The following BMS1 variants were observed in gnomAD, a reference collection of about 807,000 sequenced individuals.
BMS1 encodes ribosome biogenesis protein BMS1 homolog.
BMS1 carries 53 observed loss-of-function variants against 138.7 expected under a neutral mutation model. The observed-to-expected ratio is 0.38, with a 90% confidence interval of 0.31 to 0.48. BMS1 has a LOEUF of 0.48. Among genes scored for constraint, BMS1 ranks in the 20% least tolerant of loss-of-function variants. The pLI, the probability that BMS1 is intolerant of heterozygous loss-of-function variation, is 0.97. For missense variants in BMS1, 1,360 were observed against 1,565.5 expected, an observed-to-expected ratio of 0.87 and a Z score of 2.22; for synonymous variants, 504 against 539.9, an observed-to-expected ratio of 0.93 and a Z score of 0.92.
intron 13 of BMS1, among the ~76,000 whole-genome samples, chr10:42,807,975 T>C (rs1473850624): frequency 6.6e-6 from 1 of 152,222 alleles, no homozygotes; most frequent in Non-Finnish European, 1.5e-5. Context: ...TTGTTTATTC[T>C]AGCTATTCTA....
At chr10:42,819,381 T>C (rs1407577432) in intron 15 of BMS1, among the ~76,000 whole-genome samples, 1 of 152,200 alleles carries the variant, frequency 6.6e-6, no homozygotes, top group African/African-American at 2.4e-5. Context: ...GTGTGACTAG[T>C]GTGATTGAGG....
chr10:42,800,991 G>C (rs1841857818), intron 12 of BMS1, among the ~76,000 whole-genome samples: 1 of 152,196 alleles, frequency 6.6e-6, no homozygotes, highest in Admixed American at 6.5e-5. Context: ...GCCTGTAAGA[G>C]TCTGTGCACA....
rs372824259 is a variant in BMS1 at position 42,823,751 on chromosome 10, C to T, written c.3423C>T (p.Val1141=). 6.3e-7 allele frequency: 1 copy of T among 1,594,978 alleles called. No individual in the cohort carries two copies. The highest frequency in any genetic ancestry group is 1.3e-5 in the African/African-American group (1 of 74,780). ...TTGQLRLAHG[V]RLKANKDSLY... Reference sequence around the variant, plus strand: ...GCCAACTCAGGCTCGCCCATGGCGTCAGACTAAAGGCGAACAAGGACTCTC... The same window carrying T: ...GCCAACTCAGGCTCGCCCATGGCGTTAGACTAAAGGCGAACAAGGACTCTC... The change falls in exon 21 of 23, where the codon GTC becomes GTT. Residue 1141 remains valine, a synonymous_variant. Transcript: ENST00000374518.
At chr10:42,805,261 A>G (rs570374825) in intron 13 of BMS1, among the ~76,000 whole-genome samples, 1 of 152,170 alleles carries the variant, frequency 6.6e-6, no homozygotes, top group East Asian at 1.9e-4. Context: ...TTCCCCGTTG[A>G]ATTGCCCTGT....
intron 13 of BMS1, among the ~76,000 whole-genome samples, chr10:42,815,966 A>G (rs74135404): frequency 1.4e-3 from 216 of 152,206 alleles, no homozygotes; most frequent in African/African-American, 4.9e-3. Flanking sequence ...TCCTTGAACT[A>G]TTCGTTTGGG....
At chr10:42,822,929 G>A (rs1269805732) in intron 19 of BMS1, among the ~76,000 whole-genome samples, 189 bp from the exon 20 acceptor site, 2 of 152,152 alleles carry the variant, frequency 1.3e-5, no homozygotes, top group Admixed American at 1.3e-4. Flanking sequence ...TTATTTTGGG[G>A]AAAATGAAAG....
chr10:42,785,691 G>A lies in BMS1; in HGVS notation c.367+19G>A, dbSNP rs1564406796. On this transcript the variant is annotated intron_variant, in intron 3 of 22. Coordinates refer to ENST00000374518, the MANE Select transcript of BMS1 (RefSeq NM_014753.4). The stretch of plus-strand genomic sequence containing the variant: ...GTGTCAGGTAGGAGATGCCACCACA[G>A]ACACAGAGTTGGCGTGGCTGTTGTC... 70 of 1,609,894 alleles carry A rather than the reference G, an allele frequency of 4.3e-5. No individual in the cohort carries two copies. The highest frequency in any genetic ancestry group is 5.4e-5 in the Non-Finnish European group (64 of 1,176,866).
At position 42,820,537 on chromosome 10, in the gene BMS1, G is replaced by T; in HGVS notation, c.2799G>T (p.Lys933Asn). ...GTCTGAAGAAACATCGCTGGTATAA[G>T]AAAATCCTCAAGTCCCGAGATCCAA... ...QMRLKKHRWY[K>N]KILKSRDPII... The change falls in exon 17 of 23, where the codon AAG (lysine) becomes AAT (asparagine). Residue 933 changes from lysine (K) to asparagine (N), a missense_variant. Physicochemically the swap from Lys to Asn is moderately conservative, Grantham distance 94. Around this residue, in one of 3 missense-constraint regions of BMS1, gnomAD observed 425 missense variants for 568.3 expected, o/e 0.75. Coordinates refer to ENST00000374518, the MANE Select transcript of BMS1 (RefSeq NM_014753.4). 6.2e-7 allele frequency: 1 copy of T among 1,610,646 alleles called. No individual in the cohort carries two copies. Among genetic ancestry groups the T allele is most frequent in the Non-Finnish European group, 8.5e-7 (1 of 1,179,434 alleles).
At chr10:42,822,277 A>T (rs554807386) in intron 19 of BMS1, 93 bp downstream of exon 19, 2 of 754,804 alleles carry the variant, frequency 2.6e-6, no homozygotes, top group African/African-American at 3.6e-5. Context: ...TCATATTTTT[A>T]TAAAAGTGTT....
intron 7 of BMS1, 135 bp downstream of exon 7, chr10:42,792,749 T>A: frequency 7.1e-7 from 1 of 1,406,730 alleles, no homozygotes; most frequent in Non-Finnish European, 9.5e-7. Context: ...GCCACCTATG[T>A]GTAGGCCTGC....
chr10:42,797,656 T>C, intron 11 of BMS1, 133 bp downstream of exon 11: 1 of 834,088 alleles, frequency 1.2e-6, no homozygotes, highest in Non-Finnish European at 1.9e-6. Context: ...ATTTGACAGA[T>C]GTCTCTAATC....
intron 13 of BMS1, among the ~76,000 whole-genome samples, chr10:42,813,781 C>T (rs921227928): frequency 6.6e-6 from 1 of 152,166 alleles, no homozygotes; most frequent in Admixed American, 6.5e-5. Context: ...ATTTCTGTAG[C>T]CACTTTTTAG....
At chr10:42,796,398 A>T in intron 9 of BMS1, 76 bp from the exon 10 acceptor site, 1 of 1,404,524 alleles carries the variant, frequency 7.1e-7, no homozygotes, top group Non-Finnish European at 9.6e-7. Flanking sequence ...TTGTATTTTC[A>T]TTGACTATAT....
intron 9 of BMS1, among the ~76,000 whole-genome samples, chr10:42,795,319 G>C (rs932987745): frequency 1.3e-5 from 2 of 151,538 alleles, no homozygotes; most frequent in African/African-American, 4.9e-5. Flanking sequence ...TGTTATTATT[G>C]GTGTATTCTT....
intron 21 of BMS1, among the ~76,000 whole-genome samples, 187 bp from the exon 22 acceptor site, chr10:42,830,074 A>T (rs1364542162): frequency 6.6e-6 from 1 of 152,082 alleles, no homozygotes; most frequent in Non-Finnish European, 1.5e-5. Context: ...GTTTACTGAG[A>T]ATTGTGGGTG....
At chr10:42,828,696 A>G (rs923056495) in intron 21 of BMS1, among the ~76,000 whole-genome samples, 2 of 151,606 alleles carry the variant, frequency 1.3e-5, no homozygotes, top group Non-Finnish European at 2.9e-5. Context: ...AACTGTTGTT[A>G]TTCTCTTCAC....
intron 13 of BMS1, among the ~76,000 whole-genome samples, chr10:42,807,397 A>T (rs1040776155): frequency 2.0e-5 from 3 of 152,200 alleles, no homozygotes; most frequent in Non-Finnish European, 4.4e-5. Flanking sequence ...ATTGCTGAGT[A>T]GTGCTCCATT....
In BMS1 at chr10:42,811,519, TC is replaced by T. The variant is rs1842177173; in HGVS notation, c.2330-5079del. On this transcript the variant is annotated intron_variant, in intron 13 of 22. Transcript: ENST00000374518. ...CCACAAATGTTCACGTGTTGTATTT[TC>T]TTTTTCTTTTTTTTTTTTTTTTGAG... 3.3e-5 allele frequency among the ~76,000 whole-genome samples: 4 copies of T among 120,658 alleles called. No individual in the cohort carries two copies. In the South Asian group the frequency reaches 1.2e-3, roughly 38 times the overall value. 79.2% of individuals were successfully genotyped at this position (120,658 alleles called of 152,430 possible). A position where few individuals can be genotyped will look rare whatever the true frequency, so the allele number is the denominator to read the frequency against.
At position 42,831,227 on chromosome 10, in the gene BMS1, C is replaced by T; in HGVS notation, c.*131C>T. The T allele has an allele frequency of 1.0e-6, 1 of 989,474 alleles. No homozygotes were observed. Among genetic ancestry groups the T allele is most frequent in the East Asian group, 2.6e-5 (1 of 37,850 alleles). The allele number at this position is 989,474 out of a possible 1,614,324, so 61.3% of individuals were successfully genotyped here. ...GATGTCTCTACTCAAACTGTGCCTG[C>T]AGGAGGAGGAACAGAGAAGCCTGGG... is the stretch of plus-strand genomic sequence containing the variant. On this transcript the variant is annotated 3_prime_UTR_variant, in exon 23 of 23. Transcript: ENST00000374518.
Sources: gnomAD v4.1 joint callset for allele counts (sites outside exome capture counted in the v4.1 genomes callset) on GRCh38, gnomAD v4.1.1 for gene constraint, gnomAD v4.1.1 regional missense constraint, MANE v1.5 for transcripts, NCBI Gene and HGNC (gene_info 2026-07-23, HGNC 2026-07-21) for gene names.